Variants in ITGA6 observed in about 807,000 individuals in gnomAD.
The protein encoded by ITGA6 is integrin alpha-6.
A neutral mutation model predicts 133.6 loss-of-function variants in ITGA6; 63 were observed. That is an observed-to-expected ratio of 0.47 (90% CI 0.38 to 0.58). The LOEUF is 0.58. ITGA6 is among the 20% of genes least tolerant of loss of function. ITGA6 has a pLI of 0.00. For synonymous variants in ITGA6, 434 were observed against 482.0 expected (o/e 0.90, Z 1.30); for missense variants, 1,068 against 1,309.4 (o/e 0.82, Z 2.85).
intron 1 of ITGA6, among the ~76,000 whole-genome samples, chr2:172,461,195 C>T (rs1255411742): frequency 1.3e-5 from 2 of 152,178 alleles, no homozygotes; most frequent in African/African-American, 4.8e-5. Context: ...TACTGTTATA[C>T]TTATATCGTT....
chr2:172,489,853 T>C (rs1205890466), intron 20 of ITGA6, 195 bp downstream of exon 20: 8 of 574,086 alleles, frequency 1.4e-5, no homozygotes, highest in Non-Finnish European at 2.5e-5. Context: ...ATGACCATTA[T>C]AGTACATAAG....
chr2:172,500,474 C>T (rs892619118), intron 24 of ITGA6, among the ~76,000 whole-genome samples: 1 of 152,068 alleles, frequency 6.6e-6, no homozygotes, highest in African/African-American at 2.4e-5. Context: ...ACTAAATATA[C>T]AAAAAATTAG....
chr2:172,452,755 T>G (rs1407501664), intron 1 of ITGA6, among the ~76,000 whole-genome samples: 1 of 152,246 alleles, frequency 6.6e-6, no homozygotes, highest in African/African-American at 2.4e-5. Flanking sequence ...TGGACTCATT[T>G]TGGCGTTTGT....
intron 5 of ITGA6, 106 bp downstream of exon 5, chr2:172,471,211 C>A: frequency 1.5e-6 from 2 of 1,354,640 alleles, no homozygotes; most frequent in Non-Finnish European, 1.0e-6. Context: ...GAGAAGAGGC[C>A]AGGTGGGGCC....
intron 1 of ITGA6, among the ~76,000 whole-genome samples, chr2:172,445,715 T>C (rs1039214397): frequency 2.6e-5 from 4 of 151,930 alleles, no homozygotes; most frequent in African/African-American, 4.8e-5. Flanking sequence ...TTTTGCTTTG[T>C]CTTTGTCTTC....
In ITGA6 at chr2:172,465,650, G is replaced by A. The variant is rs887884775; in HGVS notation, c.294G>A (p.Glu98=). The part of the protein sequence containing the change: ...ITARGPCTRI[E]FDNDADPTSE... ...CCCGGGGGCCATGCACGCGGATCGA[G>A]TTTGATAACGATGGTGCGTTCCTTT... Residue 98 remains glutamate (E), a synonymous_variant, in exon 2 of 26, where the codon GAG becomes GAA. Coordinates refer to ENST00000684293, the MANE Select transcript of ITGA6 (RefSeq NM_000210.4). The A allele has an allele frequency of 1.9e-6, 3 of 1,614,114 alleles. No individual in the cohort carries two copies. The highest frequency in any genetic ancestry group is 2.7e-5 in the African/African-American group (2 of 74,954).
At chr2:172,437,919 A>C (rs978796143) in intron 1 of ITGA6, among the ~76,000 whole-genome samples, 2 of 151,720 alleles carry the variant, frequency 1.3e-5, no homozygotes, top group African/African-American at 4.8e-5. Flanking sequence ...ATCAAATGAC[A>C]CTTACTGAGA....
chr2:172,464,155 C>T (rs1685547556), intron 1 of ITGA6: 1 of 152,284 alleles, frequency 6.6e-6, no homozygotes, highest in South Asian at 2.1e-4. Context: ...AGCCACCCCT[C>T]CTTCTCTGTC....
chr2:172,434,226 G>A (rs1284144956), intron 1 of ITGA6, among the ~76,000 whole-genome samples: 1 of 152,192 alleles, frequency 6.6e-6, no homozygotes. Context: ...TCACAGGTTT[G>A]TTAAACTGGC....
intron 1 of ITGA6, among the ~76,000 whole-genome samples, chr2:172,429,656 C>T (rs1440297272): frequency 6.6e-6 from 1 of 152,166 alleles, no homozygotes. Flanking sequence ...CTGGGCTTCT[C>T]TGGTATTAGA....
intron 25 of ITGA6, among the ~76,000 whole-genome samples, chr2:172,502,889 C>T (rs1446571698): frequency 6.6e-6 from 1 of 152,152 alleles, no homozygotes; most frequent in Non-Finnish European, 1.5e-5. Context: ...ACATATTACC[C>T]TTAATTTCCC....
Position 172,474,246 on chromosome 2 carries a change from G to T in ITGA6, c.967G>T (p.Val323Leu), listed in dbSNP as rs1282925712. The change falls in exon 6 of 26, where the codon GTG becomes TTG. Residue 323 changes from valine to leucine, a missense_variant. Val to Leu is a conservative substitution (Grantham distance 32). Coordinates refer to ENST00000684293, the MANE Select transcript of ITGA6 (RefSeq NM_000210.4). Reference protein sequence around the residue: ...ASSFGYDVAVVDLNKDGWQDI... With the variant: ...ASSFGYDVAVLDLNKDGWQDI... ...TTCATTTGGCTATGATGTGGCGGTG[G>T]TGGACCTCAACAAGGATGGGTGAGA... 6.2e-7 allele frequency: 1 copy of T among 1,613,870 alleles called. No individual in the cohort carries two copies. Among genetic ancestry groups the T allele is most frequent in the African/African-American group, 1.3e-5 (1 of 74,928 alleles).
intron 23 of ITGA6, among the ~76,000 whole-genome samples, chr2:172,497,409 G>A (rs1282845800): frequency 2.6e-5 from 4 of 151,458 alleles, no homozygotes; most frequent in Non-Finnish European, 1.5e-5. Context: ...GCTGAGGTGG[G>A]AGGATCACTT....
chr2:172,449,751 G>A (rs750531333), intron 1 of ITGA6, among the ~76,000 whole-genome samples: 7 of 151,962 alleles, frequency 4.6e-5, no homozygotes, highest in South Asian at 2.1e-4. Context: ...GAGAAACCCC[G>A]TCTCTACTAA....
intron 1 of ITGA6, among the ~76,000 whole-genome samples, chr2:172,430,289 C>T (rs551685238): frequency 6.6e-6 from 1 of 152,276 alleles, no homozygotes; most frequent in Non-Finnish European, 1.5e-5. Flanking sequence ...TAATTGTGTA[C>T]CTACTGTGTG....
intron 14 of ITGA6, 45 bp from the exon 15 acceptor site, chr2:172,487,219 A>G: frequency 1.9e-6 from 3 of 1,560,572 alleles, no homozygotes; most frequent in Non-Finnish European, 2.7e-6. Flanking sequence ...CTGGAAACGT[A>G]TTGAGGACTT....
At position 172,427,700 on chromosome 2, in the gene ITGA6, G is replaced by T; in HGVS notation, c.-89G>T. On this transcript the variant is annotated 5_prime_UTR_variant, in exon 1 of 26. Coordinates refer to ENST00000684293, the MANE Select transcript of ITGA6 (RefSeq NM_000210.4). ...GCGGCGAGAGGAGGCGAAGGTGGCTGCGGTAGCAGCAGCGCGGCAGCCTCG... is the reference window on the plus strand; with the variant it reads ...GCGGCGAGAGGAGGCGAAGGTGGCTTCGGTAGCAGCAGCGCGGCAGCCTCG... 7.3e-7 allele frequency: 1 copy of T among 1,375,730 alleles called. No individual in the cohort carries two copies. The highest frequency in any genetic ancestry group is 9.4e-7 in the Non-Finnish European group (1 of 1,065,536). 85.2% of individuals were successfully genotyped at this position (1,375,730 alleles called of 1,614,324 possible).
chr2:172,470,061 C>T (rs905554339), intron 4 of ITGA6, among the ~76,000 whole-genome samples: 1 of 152,156 alleles, frequency 6.6e-6, no homozygotes, highest in Non-Finnish European at 1.5e-5. Flanking sequence ...ATGAAGAGAA[C>T]TGCATCTGAT....
intron 1 of ITGA6, among the ~76,000 whole-genome samples, chr2:172,441,522 C>T (rs1463264482): frequency 7.7e-6 from 1 of 130,432 alleles, no homozygotes; most frequent in Non-Finnish European, 1.5e-5. Flanking sequence ...TGTCACTGCA[C>T]TCCAGCCTGG....
Sources: gnomAD v4.1 joint callset for allele counts (sites outside exome capture counted in the v4.1 genomes callset) on GRCh38, gnomAD v4.1.1 for gene constraint, MANE v1.5 for transcripts, NCBI Gene and HGNC (gene_info 2026-07-23, HGNC 2026-07-21) for gene names.